The following DDC variants were observed in gnomAD, a reference collection of about 807,000 sequenced individuals.
The protein encoded by DDC is dopa decarboxylase.
In DDC, 43 loss-of-function variants were observed where a neutral mutation model predicts 60.0. The observed-to-expected ratio is 0.72, with a 90% CI of 0.56 to 0.92. The LOEUF (loss-of-function observed/expected upper bound fraction) is 0.92. Among genes scored for constraint, DDC ranks in the 40% least tolerant of loss-of-function variants. DDC has a pLI of 0.00. For missense variants in DDC, 573 were observed against 620.2 expected, an observed-to-expected ratio of 0.92 and a Z score of 0.81; for synonymous variants, 232 against 234.6, an observed-to-expected ratio of 0.99 and a Z score of 0.10.
chr7:50,546,912 C>T (rs906662883), intron 1 of DDC, among the ~76,000 whole-genome samples: 5 of 152,338 alleles, frequency 3.3e-5, no homozygotes, highest in African/African-American at 7.2e-5. Flanking sequence ...CTTAAGCCAA[C>T]GACCAAGGAG....
intron 13 of DDC, among the ~76,000 whole-genome samples, chr7:50,464,402 A>G (rs2042350683): frequency 6.6e-6 from 1 of 152,130 alleles, no homozygotes; most frequent in South Asian, 2.1e-4. Context: ...GTAGACAGTG[A>G]TGGGCCAGAG....
In DDC at chr7:50,543,880, C is replaced by G. The variant is rs2044715580; in HGVS notation, c.201+5G>C. 1.9e-6 allele frequency: 3 copies of G among 1,613,870 alleles called. No individual in the cohort carries two copies. The highest frequency in any genetic ancestry group is 1.7e-5 in the Admixed American group (1 of 60,022). On this transcript the variant is annotated splice_donor_5th_base_variant and intron_variant, in intron 2 of 14. Transcript: ENST00000444124. The stretch of plus-strand genomic sequence containing the variant: ...CCTGTTTTCTGACCTTGGATACACA[C>G]TTACCCCAGGCATGATTATCTTCTC...
intron 9 of DDC, among the ~76,000 whole-genome samples, chr7:50,493,301 C>A (rs1349741132): frequency 6.6e-6 from 1 of 152,168 alleles, no homozygotes; most frequent in Non-Finnish European, 1.5e-5. Flanking sequence ...CGCACGAGAA[C>A]CCCTCCTCCG....
intron 9 of DDC, chr7:50,492,716 C>A: frequency 1.9e-6 from 2 of 1,027,456 alleles, no homozygotes; most frequent in Non-Finnish European, 2.5e-6. Flanking sequence ...AATGGCCTGG[C>A]CTCATCCCTG....
intron 8 of DDC, 120 bp from the exon 9 acceptor site, chr7:50,495,537 C>G: frequency 1.2e-6 from 1 of 814,978 alleles, no homozygotes; most frequent in Non-Finnish European, 2.0e-6. Flanking sequence ...TGGTAGGGGC[C>G]AGGTAGGGTT....
chr7:50,499,199 T>G lies in DDC; in HGVS notation c.825A>C (p.Ala275=). 1 of 1,613,998 alleles carries G rather than the reference T, an allele frequency of 6.2e-7. No individual in the cohort carries two copies. The highest frequency in any genetic ancestry group is 2.2e-5 in the East Asian group (1 of 44,886). The part of the protein sequence containing the change: ...DIWLHVDAAY[A]GSAFICPEFR... Reference sequence around the variant, plus strand: ...ACTCAGGGCAGATGAATGCACTGCCTGCGTAGGCTGCATCAACGTGCAGCC... The same window carrying G: ...ACTCAGGGCAGATGAATGCACTGCCGGCGTAGGCTGCATCAACGTGCAGCC... The change falls in exon 8 of 15, where the codon GCA becomes GCC. Residue 275 remains alanine, a synonymous_variant. Transcript: ENST00000444124.
At chr7:50,519,384 C>T (rs1290387839) in intron 6 of DDC, among the ~76,000 whole-genome samples, 1 of 152,186 alleles carries the variant, frequency 6.6e-6, no homozygotes, top group Non-Finnish European at 1.5e-5. Context: ...AGCAATCCCA[C>T]TACTGGGTAT....
At chr7:50,524,915 G>T (rs1397031104) in intron 6 of DDC, among the ~76,000 whole-genome samples, 1 of 152,072 alleles carries the variant, frequency 6.6e-6, no homozygotes, top group Non-Finnish European at 1.5e-5. Flanking sequence ...CCAAAATATG[G>T]AAACAACTAC....
At chr7:50,512,744 T>A (rs1354386724) in intron 6 of DDC, among the ~76,000 whole-genome samples, 1 of 152,178 alleles carries the variant, frequency 6.6e-6, no homozygotes, top group Admixed American at 6.5e-5. Context: ...ACCCACCTTA[T>A]CCAACTGAAG....
intron 14 of DDC, among the ~76,000 whole-genome samples, chr7:50,462,768 G>GTTTTTTTTTTTTT (rs11302809): frequency 4.1e-5 from 4 of 98,328 alleles, no homozygotes; most frequent in African/African-American, 1.6e-4. Flanking sequence ...TCTTCTTCTT[G>GTTTTTTTTTTTTT]TTTTTTTTTT....
At chr7:50,491,306 TTTTGTTTG>T (rs911598738) in intron 9 of DDC, among the ~76,000 whole-genome samples, 1 of 152,138 alleles carries the variant, frequency 6.6e-6, no homozygotes, top group African/African-American at 2.4e-5. Context: ...CTCCCTTTAT[TTTTGTTTG>T]TTTGTTTGTT....
At chr7:50,551,980 A>G (rs930707) in intron 1 of DDC, among the ~76,000 whole-genome samples, 143,489 of 152,202 alleles carry the variant, frequency 0.94, 67,969 homozygotes, top group East Asian at 1. Flanking sequence ...GCTTCTGGGG[A>G]TATCAGCTTT....
At chr7:50,497,112 C>T (rs1001776022) in intron 8 of DDC, among the ~76,000 whole-genome samples, 3 of 152,198 alleles carry the variant, frequency 2.0e-5, no homozygotes, top group African/African-American at 7.2e-5. Context: ...ATATTTTCCT[C>T]CTGCCAACCG....
intron 6 of DDC, among the ~76,000 whole-genome samples, chr7:50,513,881 C>T (rs2043654714): frequency 6.6e-6 from 1 of 152,022 alleles, no homozygotes; most frequent in African/African-American, 2.4e-5. Context: ...GTGGTCGGTC[C>T]CTACCCACCC....
chr7:50,463,451 G>T lies in DDC; in HGVS notation c.1243-20C>A. The T allele has an allele frequency of 5.0e-6, 8 of 1,609,386 alleles. No homozygotes were observed. The highest frequency in any genetic ancestry group is 6.8e-6 in the Non-Finnish European group (8 of 1,175,716). ...GGAACCCTGGAGGGATTGAAAGAGA[G>T]GAACTGTGCTCAGGTCTCTGAGGAC... On this transcript the variant is annotated intron_variant, in intron 13 of 14. Coordinates refer to ENST00000444124, the MANE Select transcript of DDC (RefSeq NM_001082971.2).
chr7:50,524,488 T>G (rs1362687215), intron 6 of DDC, among the ~76,000 whole-genome samples: 5 of 152,132 alleles, frequency 3.3e-5, no homozygotes. Flanking sequence ...AATCAATCCA[T>G]CATCCAATTA....
intron 6 of DDC, among the ~76,000 whole-genome samples, chr7:50,507,535 A>G (rs1039266800): frequency 6.6e-6 from 1 of 152,182 alleles, no homozygotes; most frequent in Non-Finnish European, 1.5e-5. Flanking sequence ...CCCAGCCAAT[A>G]ACTTCTATTA....
chr7:50,468,052 G>A (rs1416619571), intron 12 of DDC, among the ~76,000 whole-genome samples: 1 of 152,272 alleles, frequency 6.6e-6, no homozygotes, highest in Non-Finnish European at 1.5e-5. Context: ...CCGTGGCGTA[G>A]GCCCGTGCCT....
intron 9 of DDC, among the ~76,000 whole-genome samples, chr7:50,480,910 CG>C (rs1482359352): frequency 6.6e-6 from 1 of 152,150 alleles, no homozygotes; most frequent in Non-Finnish European, 1.5e-5. Flanking sequence ...AGAACTCGGA[CG>C]CAAACTCTCA....
Sources: allele counts gnomAD v4.1 joint callset (sites outside exome capture counted in the v4.1 genomes callset), GRCh38; gene constraint gnomAD v4.1.1; transcripts MANE v1.5; gene names NCBI Gene and HGNC (gene_info 2026-07-23, HGNC 2026-07-21).